UBA3: variants seen among roughly 807,000 people sequenced by gnomAD.
UBA3 encodes NEDD8-activating enzyme E1 catalytic subunit.
In UBA3, 26 loss-of-function variants were observed where a neutral mutation model predicts 73.5. The ratio of observed to expected loss-of-function variants is 0.35; its 90% CI spans 0.26 to 0.49. The LOEUF (loss-of-function observed/expected upper bound fraction) is 0.49. UBA3 is among the 20% of genes least tolerant of loss of function. The pLI is 0.98. For synonymous variants in UBA3, 217 were observed against 191.2 expected, an observed-to-expected ratio of 1.13 and a Z score of -1.11; for missense variants, 495 against 555.6, an observed-to-expected ratio of 0.89 and a Z score of 1.10.
chr3:69,062,148 A>T lies in UBA3; in HGVS notation c.725T>A (p.Met242Lys), dbSNP rs150359494. Reference sequence around the variant, plus strand: ...AATACAGTGTTCTGGTAGCCTGGGCATAGATGCAATGGTGCACATGGGAAA... The same window carrying T: ...AATACAGTGTTCTGGTAGCCTGGGCTTAGATGCAATGGTGCACATGGGAAA... Reference protein sequence around the residue: ...VNFPMCTIASMPRLPEHCIEY... With the variant: ...VNFPMCTIASKPRLPEHCIEY... The change falls in exon 10 of 18, where the codon ATG (methionine) becomes AAG (lysine). Residue 242 changes from methionine (M) to lysine (K), a missense_variant. By Grantham distance (95) the Met-to-Lys change is moderately conservative. Coordinates refer to ENST00000361055, the MANE Select transcript of UBA3 (RefSeq NM_003968.4). The T allele has an allele frequency of 2.5e-6, 4 of 1,613,644 alleles. No individual in the cohort carries two copies. In the African/African-American group the frequency reaches 4.0e-5, roughly 16 times the overall value.
At chr3:69,075,576 A>C in intron 3 of UBA3, 66 bp from the exon 4 acceptor site, 2 of 951,518 alleles carry the variant, frequency 2.1e-6, no homozygotes, top group Non-Finnish European at 2.9e-6. Flanking sequence ...ATAAAGCAAC[A>C]AACTTTAAAA....
chr3:69,060,829 T>C (rs2092015450), intron 11 of UBA3, among the ~76,000 whole-genome samples: 1 of 152,174 alleles, frequency 6.6e-6, no homozygotes, highest in Admixed American at 6.5e-5. Context: ...AGAAGCCTGG[T>C]ATTCCCTCCT....
chr3:69,069,233 A>G (rs1004706449), intron 5 of UBA3, among the ~76,000 whole-genome samples: 1 of 152,200 alleles, frequency 6.6e-6, no homozygotes, highest in African/African-American at 2.4e-5. Flanking sequence ...CACAGTAAAT[A>G]CTTTTAAAAT....
Position 69,063,468 on chromosome 3 carries a change from T to C in UBA3, c.508A>G (p.Ile170Val). The C allele has an allele frequency of 6.3e-7, 1 of 1,597,940 alleles. No individual in the cohort carries two copies. ...ATGCCATTTATCCATCTTCTGGCGA[T>C]GATAGAGTCCAGTCCACATACAATA... ...HIIVCGLDSI[I>V]ARRWINGMLI... Residue 170 changes from isoleucine to valine, a missense_variant, in exon 8 of 18, where the codon ATC becomes GTC. Coordinates refer to ENST00000361055, the MANE Select transcript of UBA3 (RefSeq NM_003968.4).
At position 69,056,197 on chromosome 3, in the gene UBA3, G is replaced by A. The variant is rs1211411443; in HGVS notation, c.1170C>T (p.Thr390=). ...ACAATACTTACAGAGAAGCACTATT[G>A]GTTAGATAATCCAAAACCTCCTGTA... ...AKLQEVLDYL[T]NSASLQMKSP... The change falls in exon 15 of 18, where the codon ACC becomes ACT. Residue 390 remains threonine, a synonymous_variant. Coordinates refer to ENST00000361055, the MANE Select transcript of UBA3 (RefSeq NM_003968.4). 6.3e-7 allele frequency: 1 copy of A among 1,592,474 alleles called. No individual in the cohort carries two copies.
chr3:69,071,859 C>T (rs536718576), intron 4 of UBA3, among the ~76,000 whole-genome samples: 26 of 152,200 alleles, frequency 1.7e-4, no homozygotes, highest in South Asian at 1.2e-3. Context: ...AAAATTTCTA[C>T]GGATTGAAAC....
chr3:69,077,388 T>G lies in UBA3; in HGVS notation c.183+410A>C, dbSNP rs543249693. On this transcript the variant is annotated intron_variant, in intron 3 of 17. Transcript: ENST00000361055. Reference sequence around the variant, plus strand: ...ATTCTACGCCTCTATTATTTAGTACTTACATAATTCTTAACATGCAATTAA... The same window carrying G: ...ATTCTACGCCTCTATTATTTAGTACGTACATAATTCTTAACATGCAATTAA... 77 of 155,196 alleles carry G rather than the reference T, an allele frequency of 5.0e-4. 1 individual carries two copies. In the South Asian group the frequency reaches 0.013, roughly 26 times the overall value. The allele number at this position is 155,196 out of a possible 1,614,324, so 9.6% of individuals were successfully genotyped here.
At chr3:69,079,218 A>G (rs1200439643) in intron 2 of UBA3, among the ~76,000 whole-genome samples, 1 of 152,206 alleles carries the variant, frequency 6.6e-6, no homozygotes. Context: ...AGATAATCAC[A>G]CAGAAGACTC....
At position 69,071,537 on chromosome 3, in the gene UBA3, A is replaced by G; in HGVS notation, c.345T>C (p.Phe115=). The G allele has an allele frequency of 1.3e-6, 2 of 1,515,854 alleles. No homozygotes were observed. The highest frequency in any genetic ancestry group is 1.4e-5 in the African/African-American group (1 of 70,524). 93.9% of individuals were successfully genotyped at this position (1,515,854 alleles called of 1,614,324 possible). Residue 115 remains phenylalanine (F), a splice_region_variant and synonymous_variant, in exon 5 of 18, where the codon TTT becomes TTC. Transcript: ENST00000361055. The part of the protein sequence containing the change: ...DVSNLNRQFL[F]RPKDIGRPKA... The stretch of plus-strand genomic sequence containing the variant: ...ACCGCTAAGATATTAAAACTTACCT[A>G]AATAAAAACTGCCTATTTAGATTGG...
intron 5 of UBA3, 35 bp downstream of exon 5, chr3:69,071,500 T>C (rs1553683822): frequency 1.6e-6 from 2 of 1,221,292 alleles, no homozygotes; most frequent in South Asian, 2.8e-5. Context: ...TATCAGAGCT[T>C]AAAAAAAGAA....
Position 69,077,605 on chromosome 3 carries a change from G to A in UBA3, c.183+193C>T, listed in dbSNP as rs893426679. On this transcript the variant is annotated intron_variant, in intron 3 of 17. Coordinates refer to ENST00000361055, the MANE Select transcript of UBA3 (RefSeq NM_003968.4). ...CAAAAATTTTCAACTTATATTACAT[G>A]AGAAATGTTAAGACTCAAATATTCA... The A allele has an allele frequency of 1.9e-5, 11 of 581,824 alleles. No individual in the cohort carries two copies. In the African/African-American group the frequency reaches 1.9e-4, roughly 10 times the overall value. The allele number at this position is 581,824 out of a possible 1,614,324, so 36.0% of individuals were successfully genotyped here. A position where few individuals can be genotyped will look rare whatever the true frequency, so the allele number is the denominator to read the frequency against.
In UBA3 at chr3:69,057,318, A is replaced by G. The variant is rs771538580; in HGVS notation, c.911-9T>C. ...GATTCTTTTTACTACCCCTGAAAAA[A>G]CATATCAATTAAAATATGGTCATTT... On this transcript the variant is annotated splice_polypyrimidine_tract_variant and intron_variant, in intron 11 of 17. Coordinates refer to ENST00000361055, the MANE Select transcript of UBA3 (RefSeq NM_003968.4). 2 of 1,607,232 alleles carry G rather than the reference A, an allele frequency of 1.2e-6. No individual in the cohort carries two copies. Among genetic ancestry groups the G allele is most frequent in the East Asian group, 2.2e-5 (1 of 44,508 alleles).
chr3:69,061,662 C>T, intron 11 of UBA3, 152 bp downstream of exon 11: 1 of 494,714 alleles, frequency 2.0e-6, no homozygotes, highest in Non-Finnish European at 3.6e-6. Flanking sequence ...TATTAAATTC[C>T]CCCTAGCTAA....
At chr3:69,060,442 A>G (rs750212901) in intron 11 of UBA3, among the ~76,000 whole-genome samples, 1 of 152,220 alleles carries the variant, frequency 6.6e-6, no homozygotes, top group Non-Finnish European at 1.5e-5. Context: ...AAACAACAAC[A>G]TAAATACCTG....
At chr3:69,072,989 A>G (rs2092134009) in intron 4 of UBA3, among the ~76,000 whole-genome samples, 1 of 152,152 alleles carries the variant, frequency 6.6e-6, no homozygotes, top group Non-Finnish European at 1.5e-5. Flanking sequence ...ATCCAATGCT[A>G]CCATCCTGTT....
chr3:69,071,662 T>C (rs2092123198), intron 4 of UBA3, 45 bp from the exon 5 acceptor site: 3 of 1,214,270 alleles, frequency 2.5e-6, no homozygotes, highest in Non-Finnish European at 2.3e-6. Flanking sequence ...TTTCCTCACA[T>C]TTAAAAACGT....
chr3:69,076,558 G>A (rs891397342), intron 3 of UBA3: 3 of 151,552 alleles, frequency 2.0e-5, no homozygotes, highest in Admixed American at 6.6e-5. Flanking sequence ...AGGGGAAAGA[G>A]TAACAGCTGC....
intron 5 of UBA3, among the ~76,000 whole-genome samples, chr3:69,069,873 A>G (rs1372266832): frequency 2.6e-5 from 4 of 152,202 alleles, no homozygotes; most frequent in African/African-American, 9.7e-5. Flanking sequence ...GGCCCAAACA[A>G]AAGAACTCCT....
chr3:69,067,945 AG>A lies in UBA3; in HGVS notation c.410del (p.Pro137LeufsTer5). The A allele has an allele frequency of 6.2e-7, 1 of 1,606,900 alleles. No homozygotes were observed. The highest frequency in any genetic ancestry group is 8.5e-7 in the Non-Finnish European group (1 of 1,175,974). On this transcript the variant is annotated frameshift_variant, in exon 6 of 18. Coordinates refer to ENST00000361055, the MANE Select transcript of UBA3 (RefSeq NM_003968.4). LOFTEE classifies it high-confidence loss of function. ...VAAEFLNDRVPNCNVVPHFNK... is the reference protein window; with the variant it reads ...VAAEFLNDRVXNCNVVPHFNK... ...AAGGATACGGAACTACATTGCAATT[AG>A]GAACTCTGTCATTTAGAAATTCTGC...
Sources: allele counts gnomAD v4.1 joint callset (sites outside exome capture counted in the v4.1 genomes callset), GRCh38; gene constraint gnomAD v4.1.1; transcripts MANE v1.5; gene names NCBI Gene and HGNC (gene_info 2026-07-23, HGNC 2026-07-21).